The following KIAA1328 variants were observed in gnomAD, a reference collection of about 807,000 sequenced individuals.
KIAA1328 encodes the protein protein hinderin.
A neutral mutation model predicts 68.1 loss-of-function variants in KIAA1328; 52 were observed. The ratio of observed to expected loss-of-function variants is 0.76; its 90% CI spans 0.61 to 0.96. KIAA1328 has a LOEUF of 0.96. Ranked by LOEUF, KIAA1328 falls within the 40% of genes least tolerant of loss-of-function variation. The probability of loss-of-function intolerance (pLI) is 0.00; values close to 1 mark genes in which losing one functional copy is unlikely to be tolerated. For missense variants in KIAA1328, 641 were observed against 677.6 expected (o/e 0.95, Z 0.60); for synonymous variants, 232 against 239.4 (o/e 0.97, Z 0.28).
chr18:36,930,336 C>T (rs1394730221), intron 5 of KIAA1328, among the ~76,000 whole-genome samples: 1 of 152,074 alleles, frequency 6.6e-6, no homozygotes, highest in Non-Finnish European at 1.5e-5. Context: ...ACCTGATTGC[C>T]TTGTAACCAC....
Position 37,225,078 on chromosome 18 carries a change from C to A in KIAA1328, c.*2851C>A, listed in dbSNP as rs2060623088. On this transcript the variant is annotated 3_prime_UTR_variant, in exon 10 of 10. Coordinates refer to ENST00000280020, the MANE Select transcript of KIAA1328 (RefSeq NM_020776.3). ...GGGGAGAGAGGGACTCTTTCTGCTCCCTCAGAGCTACTCTTCACTTGTCCC... is the reference window on the plus strand; with the variant it reads ...GGGGAGAGAGGGACTCTTTCTGCTCACTCAGAGCTACTCTTCACTTGTCCC... The A allele has an allele frequency of 1.0e-6, 1 of 985,372 alleles. No individual in the cohort carries two copies. Among genetic ancestry groups the A allele is most frequent in the Non-Finnish European group, 1.2e-6 (1 of 829,926 alleles). The allele number at this position is 985,372 out of a possible 1,614,324, so 61.0% of individuals were successfully genotyped here. A position where few individuals can be genotyped will look rare whatever the true frequency, so the allele number is the denominator to read the frequency against.
downstream of KIAA1328, chr18:37,229,710 AT>A (rs1304170957): frequency 2.0e-5 from 7 of 353,774 alleles, no homozygotes; most frequent in Non-Finnish European, 1.5e-5. Context: ...CCATCTCTGT[AT>A]TTTGTATTTG....
At chr18:37,174,831 G>C (rs1245798617) in intron 9 of KIAA1328, among the ~76,000 whole-genome samples, 2 of 151,908 alleles carry the variant, frequency 1.3e-5, no homozygotes, top group Non-Finnish European at 2.9e-5. Context: ...CTGACCTTGT[G>C]ATCTGTTTTT....
At chr18:36,850,781 G>A (rs1426786537) in intron 4 of KIAA1328, among the ~76,000 whole-genome samples, 1 of 152,180 alleles carries the variant, frequency 6.6e-6, no homozygotes, top group African/African-American at 2.4e-5. Flanking sequence ...AGGCAGGACT[G>A]AGTTGAACTG....
At chr18:37,044,450 A>G (rs1225367564) in intron 6 of KIAA1328, among the ~76,000 whole-genome samples, 1 of 152,142 alleles carries the variant, frequency 6.6e-6, no homozygotes, top group Non-Finnish European at 1.5e-5. Context: ...GCTATGCAAA[A>G]CCACATAGTA....
intron 9 of KIAA1328, among the ~76,000 whole-genome samples, chr18:37,212,974 C>A (rs1171022483): frequency 6.6e-6 from 1 of 152,178 alleles, no homozygotes; most frequent in Non-Finnish European, 1.5e-5. Flanking sequence ...CTGCCTCAGC[C>A]TCCCAAAGTG....
rs570684397 is a variant in KIAA1328 at position 37,081,131 on chromosome 18, A to G, written c.1232+13586A>G. On this transcript the variant is annotated intron_variant, in intron 7 of 9. Coordinates refer to ENST00000280020, the MANE Select transcript of KIAA1328 (RefSeq NM_020776.3). ...CGAGTAGCTGGGATTGCAGGCACGC[A>G]CCACCACACCAGGCTAATTTTTGTA... is the stretch of plus-strand genomic sequence containing the variant. 1.0e-3 allele frequency among the ~76,000 whole-genome samples: 155 copies of G among 151,944 alleles called. 2 individuals are homozygous for G. The highest frequency in any genetic ancestry group is 3.7e-3 in the African/African-American group (153 of 41,478).
intron 5 of KIAA1328, among the ~76,000 whole-genome samples, chr18:36,926,248 C>T (rs1449531498): frequency 2.6e-5 from 4 of 152,124 alleles, no homozygotes; most frequent in African/African-American, 9.7e-5. Flanking sequence ...ACCTGGCTAT[C>T]ATGCCTTCCT....
In KIAA1328 at chr18:37,116,804, C is replaced by G. The variant is rs2151920073; in HGVS notation, c.1233-43396C>G. Among the ~76,000 whole-genome samples, 4 of 152,206 alleles carry G rather than the reference C, an allele frequency of 2.6e-5. 1 individual carries two copies. The Middle Eastern group carries it at 0.01, about 388-fold the overall frequency. ...ATCTAGAATCTACAAAGAACTTAAA[C>G]AAATGTACAAGAAAATATCAAACAA... On this transcript the variant is annotated intron_variant, in intron 7 of 9. Transcript: ENST00000280020.
At chr18:37,138,098 C>T (rs963380934) in intron 7 of KIAA1328, among the ~76,000 whole-genome samples, 21 of 152,128 alleles carry the variant, frequency 1.4e-4, no homozygotes, top group African/African-American at 5.1e-4. Context: ...AATGTTTTCT[C>T]ATTTAATAGT....
chr18:37,120,403 G>A (rs1043387076), intron 7 of KIAA1328, among the ~76,000 whole-genome samples: 1 of 152,036 alleles, frequency 6.6e-6, no homozygotes, highest in Non-Finnish European at 1.5e-5. Flanking sequence ...AAGTTACTTT[G>A]GCTGAGATGG....
chr18:37,056,039 G>C (rs1444477467), intron 6 of KIAA1328, among the ~76,000 whole-genome samples: 1 of 152,110 alleles, frequency 6.6e-6, no homozygotes, highest in Non-Finnish European at 1.5e-5. Context: ...CTCTTTATGA[G>C]ACTGACCAGG....
intron 8 of KIAA1328, among the ~76,000 whole-genome samples, chr18:37,169,499 T>TTG (rs142156871): frequency 2.6e-5 from 4 of 151,782 alleles, no homozygotes; most frequent in South Asian, 2.1e-4. Context: ...TATGTTGTTA[T>TTG]TGTGTGTGTG....
intron 4 of KIAA1328, among the ~76,000 whole-genome samples, chr18:36,852,248 T>C (rs1203604942): frequency 6.6e-6 from 1 of 152,158 alleles, no homozygotes; most frequent in East Asian, 1.9e-4. Context: ...ATAATATGTA[T>C]TTAGCTGTTA....
intron 6 of KIAA1328, among the ~76,000 whole-genome samples, chr18:36,977,313 T>G (rs9304167): frequency 0.59 from 90,451 of 152,062 alleles, 28,776 homozygotes; most frequent in East Asian, 0.87. Context: ...TCTTCCAGAC[T>G]GAGTCAGGAT....
intron 6 of KIAA1328, among the ~76,000 whole-genome samples, chr18:36,998,808 A>T (rs952056818): frequency 3.9e-5 from 6 of 152,250 alleles, no homozygotes; most frequent in Non-Finnish European, 5.9e-5. Context: ...AAATTCAAAA[A>T]TAGGAAGAAG....
intron 7 of KIAA1328, among the ~76,000 whole-genome samples, chr18:37,072,689 G>A (rs567104856): frequency 7.6e-4 from 116 of 152,056 alleles, no homozygotes; most frequent in Middle Eastern, 3.4e-3. Context: ...TGTGCAGAGC[G>A]TACAGGTTTA....
chr18:37,121,577 G>A (rs1054183301), intron 7 of KIAA1328, among the ~76,000 whole-genome samples: 1 of 152,036 alleles, frequency 6.6e-6, no homozygotes, highest in South Asian at 2.1e-4. Flanking sequence ...TAGATTTGAG[G>A]TATAGGATCA....
intron 5 of KIAA1328, among the ~76,000 whole-genome samples, chr18:36,928,695 A>T (rs190704418): frequency 6.6e-6 from 1 of 152,212 alleles, no homozygotes; most frequent in Non-Finnish European, 1.5e-5. Context: ...AATGTGTGTG[A>T]GTGTGTGCGC....
Sources: gnomAD v4.1 joint callset for allele counts (sites outside exome capture counted in the v4.1 genomes callset) on GRCh38, gnomAD v4.1.1 for gene constraint, MANE v1.5 for transcripts, NCBI Gene and HGNC (gene_info 2026-07-23, HGNC 2026-07-21) for gene names.